EFCAB3: variants seen among roughly 807,000 people sequenced by gnomAD.
The protein encoded by EFCAB3 is EF-hand calcium-binding domain-containing protein 3.
EFCAB3 carries 36 observed loss-of-function variants against 42.2 expected under a neutral mutation model. That is an observed-to-expected ratio of 0.85 (90% CI 0.65 to 1.13). EFCAB3 has a LOEUF of 1.13. Ranked by LOEUF, EFCAB3 falls within the 50% of genes most tolerant of loss-of-function variation. The probability of loss-of-function intolerance (pLI) is 0.00; values close to 1 mark genes in which losing one functional copy is unlikely to be tolerated. For missense variants in EFCAB3, 418 were observed against 505.1 expected (o/e 0.83, Z 1.65); for synonymous variants, 170 against 172.8 (o/e 0.98, Z 0.13).
chr17:62,382,061 A>AAAAC (rs996121699), intron 1 of EFCAB3: 31 of 187,852 alleles, frequency 1.7e-4, no homozygotes, highest in Admixed American at 1.2e-4. Flanking sequence ...TCCAAAAACA[A>AAAAC]AAACAAACAA....
At chr17:62,377,360 A>G (rs1294116441), upstream of EFCAB3, among the ~76,000 whole-genome samples, 1 of 152,086 alleles carries the variant, frequency 6.6e-6, no homozygotes, top group Non-Finnish European at 1.5e-5. Flanking sequence ...TAGGAAACTG[A>G]GTTATTATAG....
intron 6 of EFCAB3, among the ~76,000 whole-genome samples, chr17:62,401,428 C>G (rs1008982545): frequency 6.6e-6 from 1 of 152,176 alleles, no homozygotes; most frequent in Non-Finnish European, 1.5e-5. Context: ...TTAGGTCTGA[C>G]ATTTAAGTCT....
At chr17:62,405,350 T>A (rs998265341) in intron 6 of EFCAB3, among the ~76,000 whole-genome samples, 1 of 152,156 alleles carries the variant, frequency 6.6e-6, no homozygotes, top group African/African-American at 2.4e-5. Context: ...TTAGAATGAG[T>A]CCTTTCCCTC....
rs1227629010 is a variant in EFCAB3 at position 62,407,089 on chromosome 17, T to C, written c.744T>C (p.Asn248=). 8 of 1,612,392 alleles carry C rather than the reference T, an allele frequency of 5.0e-6. No individual in the cohort carries two copies. Among genetic ancestry groups the C allele is most frequent in the Non-Finnish European group, 6.8e-6 (8 of 1,179,472 alleles). The change falls in exon 8 of 10, where the codon AAT becomes AAC. Residue 248 remains asparagine, a synonymous_variant. Coordinates refer to ENST00000305286, the MANE Select transcript of EFCAB3 (RefSeq NM_173503.4). ...SKIPIFPLFP[N]VDGVVMGKPF... ...TACCCATCTTTCCATTGTTCCCTAATGTGGATGGGGTGGTGATGGGAAAGC... is the reference window on the plus strand; with the variant it reads ...TACCCATCTTTCCATTGTTCCCTAACGTGGATGGGGTGGTGATGGGAAAGC...
At chr17:62,370,697 A>G (rs912180592) in intron 1 of EFCAB3, among the ~76,000 whole-genome samples, 1 of 152,046 alleles carries the variant, frequency 6.6e-6, no homozygotes, top group Admixed American at 6.5e-5. Context: ...CATCCTGTAC[A>G]TAACATCCTC....
At position 62,382,004 on chromosome 17, in the gene EFCAB3, C is replaced by A; in HGVS notation, c.-17-959C>A. The A allele has an allele frequency of 1.2e-5, 3 of 244,000 alleles. No homozygotes were observed. In the South Asian group the frequency reaches 1.7e-4, roughly 14 times the overall value. The allele number at this position is 244,000 out of a possible 1,614,324, so 15.1% of individuals were successfully genotyped here. A position where few individuals can be genotyped will look rare whatever the true frequency, so the allele number is the denominator to read the frequency against. On this transcript the variant is annotated intron_variant, in intron 1 of 9. Coordinates refer to ENST00000305286, the MANE Select transcript of EFCAB3 (RefSeq NM_173503.4). ...GTCAGACGATGACATGGGATTTGGT[C>A]TCTTTTATTAAATTCCTGCTCCCCT...
At chr17:62,380,091 T>G (rs1374859418), upstream of EFCAB3, among the ~76,000 whole-genome samples, 5 of 152,308 alleles carry the variant, frequency 3.3e-5, no homozygotes, top group African/African-American at 1.2e-4. Flanking sequence ...AACCTCTGCC[T>G]CCCAAGTTCA....
intron 2 of EFCAB3, among the ~76,000 whole-genome samples, chr17:62,374,556 C>T (rs1293830131): frequency 2.0e-5 from 3 of 152,048 alleles, no homozygotes; most frequent in Non-Finnish European, 4.4e-5. Context: ...TGGTTGTAGG[C>T]CCCTTATATT....
chr17:62,393,404 C>T (rs2070321260), intron 4 of EFCAB3, among the ~76,000 whole-genome samples, 169 bp from the exon 5 acceptor site: 1 of 152,156 alleles, frequency 6.6e-6, no homozygotes, highest in African/African-American at 2.4e-5. Context: ...TGTAATGGTG[C>T]TAAGACCACT....
intron 8 of EFCAB3, among the ~76,000 whole-genome samples, chr17:62,411,852 GGAAA>G (rs1387897731): frequency 1.5e-4 from 15 of 97,392 alleles, no homozygotes; most frequent in South Asian, 3.9e-4. Flanking sequence ...AAGGAAGGAA[GGAAA>G]GAAGGAAGGA....
chr17:62,395,586 ATC>A (rs2070342253), intron 6 of EFCAB3, among the ~76,000 whole-genome samples: 1 of 152,148 alleles, frequency 6.6e-6, no homozygotes, highest in Non-Finnish European at 1.5e-5. Flanking sequence ...GCTCTCAAAA[ATC>A]TCTGACTCAG....
At chr17:62,412,706 C>T (rs1474690224) in intron 8 of EFCAB3, among the ~76,000 whole-genome samples, 4 of 151,918 alleles carry the variant, frequency 2.6e-5, no homozygotes, top group Admixed American at 2.0e-4. Context: ...GCAATCCACC[C>T]TCCTCAGCCT....
Position 62,416,040 on chromosome 17 carries a change from C to G in EFCAB3, c.1028C>G (p.Ala343Gly), listed in dbSNP as rs1185783619. The change falls in exon 10 of 10, where the codon GCC becomes GGC. Residue 343 changes from alanine to glycine, a missense_variant. Physicochemically the swap from Ala to Gly is moderately conservative, Grantham distance 60. Coordinates refer to ENST00000305286, the MANE Select transcript of EFCAB3 (RefSeq NM_173503.4). The part of the protein sequence containing the change: ...RATDTYNLGI[A>G]LEHRKEMLNL... ...ACTGATACCTATAATTTAGGAATTGCCCTTGAACACCGAAAAGAGATGCTA... is the reference window on the plus strand; with the variant it reads ...ACTGATACCTATAATTTAGGAATTGGCCTTGAACACCGAAAAGAGATGCTA... The G allele has an allele frequency of 5.6e-6, 9 of 1,613,580 alleles. No homozygotes were observed. The highest frequency in any genetic ancestry group is 7.6e-6 in the Non-Finnish European group (9 of 1,179,764).
intron 2 of EFCAB3, among the ~76,000 whole-genome samples, chr17:62,384,442 C>T (rs2070231042): frequency 1.3e-5 from 2 of 151,996 alleles, no homozygotes; most frequent in South Asian, 4.2e-4. Context: ...TTGAGACCAG[C>T]CTCTACCAAA....
intron 6 of EFCAB3, among the ~76,000 whole-genome samples, chr17:62,404,562 C>T (rs1266762308): frequency 6.6e-6 from 1 of 151,956 alleles, no homozygotes; most frequent in African/African-American, 2.4e-5. Flanking sequence ...TTTGGGAGGC[C>T]GAGGCGGATG....
rs775330331 is a variant in EFCAB3 at position 62,383,026 on chromosome 17, C to A, written c.47C>A (p.Thr16Lys). 6.2e-7 allele frequency: 1 copy of A among 1,613,464 alleles called. No homozygotes were observed. Among genetic ancestry groups the A allele is most frequent in the Non-Finnish European group, 8.5e-7 (1 of 1,179,780 alleles). Residue 16 changes from threonine (T) to lysine (K), a missense_variant, in exon 2 of 10, where the codon ACA (threonine) becomes AAA (lysine). By Grantham distance (78) the Thr-to-Lys change is moderately conservative. Coordinates refer to ENST00000305286, the MANE Select transcript of EFCAB3 (RefSeq NM_173503.4). The stretch of plus-strand genomic sequence containing the variant: ...CCAAAACTTAAGCTGAATCCTCTAA[C>A]AAAAGTACCCATCTCCCACAATAAA... ...IKPKLKLNPL[T>K]KVPISHNKRD...
intron 6 of EFCAB3, chr17:62,397,512 A>G: frequency 1.8e-6 from 1 of 569,666 alleles, no homozygotes; most frequent in South Asian, 1.4e-5. Context: ...CTGAAGGCCA[A>G]CCCTTTTGAG....
chr17:62,380,713 G>A, intron 1 of EFCAB3, 100 bp downstream of exon 1: 1 of 571,650 alleles, frequency 1.7e-6, no homozygotes, highest in East Asian at 1.4e-4. Flanking sequence ...TGATTATTTT[G>A]AGGTATGGGG....
Position 62,406,734 on chromosome 17 carries a change from G to A in EFCAB3, c.682+61G>A. 8 of 1,566,068 alleles carry A rather than the reference G, an allele frequency of 5.1e-6. No individual in the cohort carries two copies. The South Asian group carries it at 9.4e-5, about 18-fold the overall frequency. ...GGATTTATTTGTATATGACTGGTCA[G>A]AAAGAAGTACTAGAGCCCAAATGGC... On this transcript the variant is annotated intron_variant, in intron 7 of 9. Coordinates refer to ENST00000305286, the MANE Select transcript of EFCAB3 (RefSeq NM_173503.4).
Sources: gnomAD v4.1 joint callset for allele counts (sites outside exome capture counted in the v4.1 genomes callset) on GRCh38, gnomAD v4.1.1 for gene constraint, MANE v1.5 for transcripts, NCBI Gene and HGNC (gene_info 2026-07-23, HGNC 2026-07-21) for gene names.